Variants in IARS1 observed in about 807,000 individuals in gnomAD.
IARS1 encodes isoleucyl-tRNA synthetase 1, also known as isoleucine--tRNA ligase, cytoplasmic.
Under a neutral mutation model 168.2 loss-of-function variants are expected in IARS1, and 124 were observed. That is an observed-to-expected ratio of 0.74 (90% confidence interval 0.64 to 0.86). The LOEUF is 0.86. Ranked by LOEUF, IARS1 falls within the 40% of genes least tolerant of loss-of-function variation. IARS1 has a pLI of 0.00. For missense variants in IARS1, 1,452 were observed against 1,515.8 expected, an observed-to-expected ratio of 0.96 and a Z score of 0.70; for synonymous variants, 532 against 529.4, an observed-to-expected ratio of 1.00 and a Z score of -0.07.
chr9:92,261,142 T>C (rs2133800116), intron 17 of IARS1, among the ~76,000 whole-genome samples: 1 of 152,166 alleles, frequency 6.6e-6, no homozygotes, highest in South Asian at 2.1e-4. Context: ...ACCCTGTCTC[T>C]ACCAAAAATA....
At position 92,264,994 on chromosome 9, in the gene IARS1, C is replaced by T; in HGVS notation, c.1635G>A (p.Lys545=). ...CAGGAAAAGCATCCTCAAACTCCCTCTTGTTTTCAAACGGGTAATGAACCT... is the reference window on the plus strand; with the variant it reads ...CAGGAAAAGCATCCTCAAACTCCCTTTTGTTTTCAAACGGGTAATGAACCT... The part of the protein sequence containing the change: ...YAQVHYPFEN[K]REFEDAFPAD... Residue 545 remains lysine (K), a synonymous_variant, in exon 16 of 34, where the codon AAG becomes AAA. Transcript: ENST00000443024. 6.2e-7 allele frequency: 1 copy of T among 1,614,208 alleles called. No individual in the cohort carries two copies. Among genetic ancestry groups the T allele is most frequent in the Middle Eastern group, 1.6e-4 (1 of 6,062 alleles).
chr9:92,251,130 T>C, intron 22 of IARS1: 2 of 481,532 alleles, frequency 4.2e-6, no homozygotes, highest in South Asian at 1.5e-5. Context: ...GAAGACTGAC[T>C]GTCCCACACC....
chr9:92,272,131 A>C (rs1170763137), intron 10 of IARS1, among the ~76,000 whole-genome samples: 1 of 152,268 alleles, frequency 6.6e-6, no homozygotes, highest in Non-Finnish European at 1.5e-5. Flanking sequence ...ATGAAGCAGC[A>C]ATGCTAGGAT....
intron 33 of IARS1, among the ~76,000 whole-genome samples, chr9:92,213,662 T>A (rs1317587071): frequency 6.6e-6 from 1 of 152,184 alleles, no homozygotes; most frequent in East Asian, 1.9e-4. Flanking sequence ...AGCTGTGAGA[T>A]GACTTGAGCC....
At chr9:92,230,426 A>G (rs1826485921) in intron 30 of IARS1, among the ~76,000 whole-genome samples, 1 of 152,054 alleles carries the variant, frequency 6.6e-6, no homozygotes, top group South Asian at 2.1e-4. Flanking sequence ...GTTGGCATCA[A>G]TTTCTAAGGA....
chr9:92,278,063 TTAGTA>T lies in IARS1; in HGVS notation c.833+131_833+135del, dbSNP rs975402493. 4.9e-6 allele frequency: 5 copies of T among 1,028,056 alleles called. No individual in the cohort carries two copies. The African/African-American group carries it at 8.0e-5, about 16-fold the overall frequency. The allele number at this position is 1,028,056 out of a possible 1,614,324, so 63.7% of individuals were successfully genotyped here. ...GCTGTAATGTGTGACTGCAAAGTAC[TTAGTA>T]TAGTATTAGTACTTAAAACTAAATT... On this transcript the variant is annotated intron_variant, in intron 8 of 33. Coordinates refer to ENST00000443024, the MANE Select transcript of IARS1 (RefSeq NM_002161.6).
intron 29 of IARS1, 48 bp from the exon 30 acceptor site, chr9:92,241,009 A>G: frequency 9.8e-7 from 1 of 1,017,668 alleles, no homozygotes; most frequent in Non-Finnish European, 1.6e-6. Flanking sequence ...ACCTGACTGC[A>G]ATGTGCCACA....
At chr9:92,271,142 A>G (rs1444551891) in intron 11 of IARS1, 66 bp from the exon 12 acceptor site, 1 of 877,020 alleles carries the variant, frequency 1.1e-6, no homozygotes, top group East Asian at 2.6e-5. Context: ...ATATATTACT[A>G]GAATCTGATA....
At chr9:92,270,111 T>C in intron 12 of IARS1, 128 bp from the exon 13 acceptor site, 2 of 574,486 alleles carry the variant, frequency 3.5e-6, no homozygotes, top group South Asian at 4.6e-5. Context: ...TTCATTTTTA[T>C]TATAGATAAA....
At chr9:92,256,341 CTT>C (rs770667744) in intron 20 of IARS1, 6 of 144,478 alleles carry the variant, frequency 4.2e-5, no homozygotes, top group South Asian at 2.2e-4. Flanking sequence ...GGCCAGCTAA[CTT>C]TTTTTTTTTT....
intron 30 of IARS1, among the ~76,000 whole-genome samples, chr9:92,235,383 A>T (rs1827327703): frequency 6.6e-6 from 1 of 152,100 alleles, no homozygotes; most frequent in Non-Finnish European, 1.5e-5. Flanking sequence ...CAGTCCACAA[A>T]GGTCTCATCT....
intron 33 of IARS1, among the ~76,000 whole-genome samples, chr9:92,217,463 C>G (rs1344251103): frequency 2.1e-5 from 3 of 139,836 alleles, no homozygotes; most frequent in African/African-American, 5.8e-5. Context: ...AAAAACCCTT[C>G]AAAAAATTAA....
intron 6 of IARS1, among the ~76,000 whole-genome samples, chr9:92,283,165 C>T (rs1018167608): frequency 3.9e-5 from 6 of 152,110 alleles, no homozygotes; most frequent in African/African-American, 1.2e-4. Context: ...ATATACAGAC[C>T]GCGTAGAATA....
chr9:92,293,510 G>A, intron 1 of IARS1, 101 bp downstream of exon 1: 1 of 522,244 alleles, frequency 1.9e-6, no homozygotes, highest in Non-Finnish European at 3.9e-6. Context: ...GAAGAAACAC[G>A]CTCTTTTAAA....
rs754452383 is a variant in IARS1 at position 92,240,978 on chromosome 9, G to A, written c.3178-17C>T. The stretch of plus-strand genomic sequence containing the variant: ...TCCCTTCAACTGAGCACATGAGAAC[G>A]TATGACTGAGTAACTGTGGCACCTG... On this transcript the variant is annotated splice_polypyrimidine_tract_variant and intron_variant, in intron 29 of 33. Transcript: ENST00000443024. 9.7e-6 allele frequency: 14 copies of A among 1,450,722 alleles called. No individual in the cohort carries two copies. The highest frequency in any genetic ancestry group is 9.1e-5 in the East Asian group (4 of 44,152). 89.9% of individuals were successfully genotyped at this position (1,450,722 alleles called of 1,614,324 possible).
At chr9:92,270,065 T>G (rs972110414) in intron 12 of IARS1, 82 bp from the exon 13 acceptor site, 48 of 808,890 alleles carry the variant, frequency 5.9e-5, no homozygotes, top group Admixed American at 1.9e-5. Flanking sequence ...CATGTCTTAT[T>G]GACAGCATCA....
In IARS1 at chr9:92,258,883, A is replaced by C. The variant is rs138609569; in HGVS notation, c.1987T>G (p.Leu663Val). 1 of 1,612,856 alleles carries C rather than the reference A, an allele frequency of 6.2e-7. No individual in the cohort carries two copies. The highest frequency in any genetic ancestry group is 8.5e-7 in the Non-Finnish European group (1 of 1,179,632). Residue 663 changes from leucine to valine, a missense_variant, in exon 19 of 34, where the codon TTA becomes GTA. Physicochemically the swap from Leu to Val is conservative, Grantham distance 32. Coordinates refer to ENST00000443024, the MANE Select transcript of IARS1 (RefSeq NM_002161.6). Reference sequence around the variant, plus strand: ...TGGAGCCTCAGAACGTTCTGGATTAAGAAGCGATAGGCATTGTACCATGGG... The same window carrying C: ...TGGAGCCTCAGAACGTTCTGGATTACGAAGCGATAGGCATTGTACCATGGG... ...LLPWYNAYRF[L>V]IQNVLRLQKE...
chr9:92,223,710 T>G (rs1825178674), intron 31 of IARS1, among the ~76,000 whole-genome samples: 1 of 152,212 alleles, frequency 6.6e-6, no homozygotes, highest in African/African-American at 2.4e-5. Flanking sequence ...ATATTCATAA[T>G]CTGAAATATA....
intron 33 of IARS1, among the ~76,000 whole-genome samples, chr9:92,214,573 G>C (rs1002952329): frequency 6.6e-6 from 1 of 152,146 alleles, no homozygotes; most frequent in Non-Finnish European, 1.5e-5. Flanking sequence ...CGCACCGTGC[G>C]CGAGCCGAAG....
Sources: gnomAD v4.1 joint callset for allele counts (sites outside exome capture counted in the v4.1 genomes callset) on GRCh38, gnomAD v4.1.1 for gene constraint, MANE v1.5 for transcripts, NCBI Gene and HGNC (gene_info 2026-07-23, HGNC 2026-07-21) for gene names.